CHPF2: variants seen among roughly 807,000 people sequenced by gnomAD.
CHPF2 encodes chondroitin polymerizing factor 2, also known as chondroitin polymerizing factor 2, non-catalytic subunit.
CHPF2 carries 58 observed loss-of-function variants against 63.0 expected under a neutral mutation model. That is an observed-to-expected ratio of 0.92 (90% CI 0.75 to 1.15). The LOEUF is 1.15. Among genes scored for constraint, CHPF2 ranks in the 50% most tolerant of loss-of-function variants. The pLI is 0.00. For missense variants in CHPF2, 1,045 were observed against 1,035.4 expected (o/e 1.01, Z -0.13); for synonymous variants, 442 against 438.0 (o/e 1.01, Z -0.11).
chr7:151,235,566 G>A lies in CHPF2; in HGVS notation c.782G>A (p.Arg261His), dbSNP rs775257705. 5.6e-6 allele frequency: 9 copies of A among 1,608,916 alleles called. No homozygotes were observed. The Admixed American group carries it at 8.3e-5, about 15-fold the overall frequency. The part of the protein sequence containing the change: ...LSARPDEWLG[R>H]CLIDSLGVGC... The stretch of plus-strand genomic sequence containing the variant: ...GCCCGTCCTGACGAGTGGCTTGGAC[G>A]CTGCCTCATTGACTCTCTGGGCGTC... Residue 261 changes from arginine to histidine, a missense_variant, in exon 2 of 4, where the codon CGC becomes CAC. Arg to His is a conservative substitution (Grantham distance 29). Coordinates refer to ENST00000035307, the MANE Select transcript of CHPF2 (RefSeq NM_019015.3).
Position 151,235,476 on chromosome 7 carries a change from T to C in CHPF2, c.692T>C (p.Leu231Ser). The part of the protein sequence containing the change: ...RYCHGGFGYL[L>S]SRSLLLRLRP... ...TGTCATGGGGGCTTTGGCTACCTGT[T>C]GTCACGGAGTCTCCTGCTTCGTCTG... The change falls in exon 2 of 4, where the codon TTG becomes TCG. Residue 231 changes from leucine to serine, a missense_variant. Physicochemically the swap from Leu to Ser is moderately radical, Grantham distance 145. Coordinates refer to ENST00000035307, the MANE Select transcript of CHPF2 (RefSeq NM_019015.3). 1 of 1,611,760 alleles carries C rather than the reference T, an allele frequency of 6.2e-7. No homozygotes were observed. The highest frequency in any genetic ancestry group is 8.5e-7 in the Non-Finnish European group (1 of 1,180,010).
In CHPF2 at chr7:151,233,093, T is replaced by TTGC. The variant is rs746954738; in HGVS notation, c.-914_-912dup. The TTGC allele has an allele frequency of 7.8e-5, 94 of 1,210,308 alleles. No individual in the cohort carries two copies. The highest frequency in any genetic ancestry group is 3.2e-4 in the Middle Eastern group (1 of 3,118). The allele number at this position is 1,210,308 out of a possible 1,614,324, so 75.0% of individuals were successfully genotyped here. A position where few individuals can be genotyped will look rare whatever the true frequency, so the allele number is the denominator to read the frequency against. On this transcript the variant is annotated 5_prime_UTR_variant, in exon 1 of 4. Transcript: ENST00000035307. ...CCCAGGACCCTGGCATTGTCTCTAGTTGCTGCTTGTGCTCTCTCTTTGCTT... is the reference window on the plus strand; with the variant it reads ...CCCAGGACCCTGGCATTGTCTCTAGTTGCTGCTGCTTGTGCTCTCTCTTTGCTT...
Position 151,237,367 on chromosome 7 carries a change from A to C in CHPF2, c.1012-7A>C. On this transcript the variant is annotated splice_region_variant and splice_polypyrimidine_tract_variant and intron_variant, in intron 3 of 3. Coordinates refer to ENST00000035307, the MANE Select transcript of CHPF2 (RefSeq NM_019015.3). ...CACTAATGTGAGGTGCATTCCCTCCAACCCAGGCTCAGATCCGGAACCTGA... is the reference window on the plus strand; with the variant it reads ...CACTAATGTGAGGTGCATTCCCTCCCACCCAGGCTCAGATCCGGAACCTGA... The C allele has an allele frequency of 6.3e-7, 1 of 1,580,828 alleles. No individual in the cohort carries two copies. Among genetic ancestry groups the C allele is most frequent in the Non-Finnish European group, 8.6e-7 (1 of 1,159,368 alleles).
chr7:151,234,354 T>C (rs899618107), intron 1 of CHPF2, 80 bp downstream of exon 1: 9 of 1,146,784 alleles, frequency 7.8e-6, no homozygotes, highest in Non-Finnish European at 9.4e-6. Context: ...TGCCTTTCCA[T>C]TGGCAATCGG....
In CHPF2 at chr7:151,237,775, A is replaced by G. The variant is rs192704087; in HGVS notation, c.1413A>G (p.Pro471=). The change falls in exon 4 of 4, where the codon CCA becomes CCG. Residue 471 remains proline (P), a synonymous_variant. Transcript: ENST00000035307. ...ALARRVSLLR[P]LSRVEILPMP... ...CTCGCAGGGTCAGCCTGCTGCGGCC[A>G]CTGAGCCGGGTGGAAATCCTACCTA... 1 of 1,612,480 alleles carries G rather than the reference A, an allele frequency of 6.2e-7. No individual in the cohort carries two copies. Among genetic ancestry groups the G allele is most frequent in the Non-Finnish European group, 8.5e-7 (1 of 1,179,898 alleles).
rs1224030471 is a variant in CHPF2, at chr7:151,238,807, C to G, written c.*126C>G. ...TTTTAAATATGAAAATGTTATTAAACATGTCTTCTGCCAAACTGTTTTTAG... is the reference window on the plus strand; with the variant it reads ...TTTTAAATATGAAAATGTTATTAAAGATGTCTTCTGCCAAACTGTTTTTAG... On this transcript the variant is annotated 3_prime_UTR_variant, in exon 4 of 4. Transcript: ENST00000035307. 58 of 1,539,864 alleles carry G rather than the reference C, an allele frequency of 3.8e-5. No individual in the cohort carries two copies. Among genetic ancestry groups the G allele is most frequent in the Non-Finnish European group, 5.0e-5 (57 of 1,146,762 alleles).
At chr7:151,235,684 G>A in intron 2 of CHPF2, 72 bp downstream of exon 2, 2 of 1,396,604 alleles carry the variant, frequency 1.4e-6, no homozygotes, top group Middle Eastern at 2.3e-4. Context: ...CTTCCTCCCA[G>A]CAGCACCTTA....
chr7:151,232,642 T>G lies in CHPF2; in HGVS notation c.-1370T>G. 1 of 1,015,478 alleles carries G rather than the reference T, an allele frequency of 9.8e-7. No individual in the cohort carries two copies. The highest frequency in any genetic ancestry group is 1.4e-6 in the Non-Finnish European group (1 of 725,474). 62.9% of individuals were successfully genotyped at this position (1,015,478 alleles called of 1,614,324 possible). On this transcript the variant is annotated 5_prime_UTR_variant, in exon 1 of 4. Transcript: ENST00000035307. Reference sequence around the variant, plus strand: ...GTCCCCACGCCTCCGCCCCGCCCCCTCCCGGGACGCCGGGAGACCCCGGCC... The same window carrying G: ...GTCCCCACGCCTCCGCCCCGCCCCCGCCCGGGACGCCGGGAGACCCCGGCC...
chr7:151,237,189 T>C (rs1197853126), intron 3 of CHPF2, 185 bp from the exon 4 acceptor site: 7 of 612,864 alleles, frequency 1.1e-5, no homozygotes, highest in South Asian at 1.9e-5. Context: ...ATGATTCCTA[T>C]TCCATCTGCA....
rs746650787 is a variant in CHPF2 at position 151,235,552 on chromosome 7, C to T, written c.768C>T (p.Asp256=). 7 of 1,610,328 alleles carry T rather than the reference C, an allele frequency of 4.3e-6. No homozygotes were observed. The South Asian group carries it at 4.4e-5, about 10-fold the overall frequency. ...CRGDILSARP[D]EWLGRCLIDS... ...GAGACATTCTCAGTGCCCGTCCTGA[C>T]GAGTGGCTTGGACGCTGCCTCATTG... The change falls in exon 2 of 4, where the codon GAC becomes GAT. Residue 256 remains aspartate (D), a synonymous_variant. Transcript: ENST00000035307.
intron 3 of CHPF2, chr7:151,237,039 A>T: frequency 1.8e-6 from 1 of 565,742 alleles, no homozygotes; most frequent in Non-Finnish European, 3.4e-6. Flanking sequence ...GTAGATGAAA[A>T]CAAAGGTGTG....
rs750864918 is a variant in CHPF2, at chr7:151,235,085, C to T, written c.301C>T (p.Arg101Trp). 4 of 1,579,596 alleles carry T rather than the reference C, an allele frequency of 2.5e-6. No individual in the cohort carries two copies. Among genetic ancestry groups the T allele is most frequent in the East Asian group, 2.3e-5 (1 of 44,394 alleles). ...CCAGACAGAGCTGGGCTCCCGTGAG[C>T]GGTTGCTGGTGGCTGTCCTGACCTC... ...YIQTELGSRE[R>W]LLVAVLTSRA... is the part of the protein sequence containing the mutation. Residue 101 changes from arginine to tryptophan, a missense_variant, in exon 2 of 4, where the codon CGG becomes TGG. Coordinates refer to ENST00000035307, the MANE Select transcript of CHPF2 (RefSeq NM_019015.3).
At position 151,233,756 on chromosome 7, in the gene CHPF2, T is replaced by C; in HGVS notation, c.-256T>C. The C allele has an allele frequency of 8.3e-7, 1 of 1,209,910 alleles. No homozygotes were observed. The allele number at this position is 1,209,910 out of a possible 1,614,324, so 74.9% of individuals were successfully genotyped here. A position where few individuals can be genotyped will look rare whatever the true frequency, so the allele number is the denominator to read the frequency against. ...CCCAGTGTGAGTGAAATTGATTGTT[T>C]CATTTATTACCGTTTTGGCTGGGGG... On this transcript the variant is annotated 5_prime_UTR_variant, in exon 1 of 4. Coordinates refer to ENST00000035307, the MANE Select transcript of CHPF2 (RefSeq NM_019015.3).
In CHPF2 at chr7:151,237,467, C is replaced by T. The variant is rs146363312; in HGVS notation, c.1105C>T (p.Arg369Cys). 1.7e-5 allele frequency: 28 copies of T among 1,613,862 alleles called. No homozygotes were observed. Among genetic ancestry groups the T allele is most frequent in the East Asian group, 4.5e-5 (2 of 44,900 alleles). The change falls in exon 4 of 4, where the codon CGC becomes TGC. Residue 369 changes from arginine to cysteine, a missense_variant. Arg to Cys is a radical substitution (Grantham distance 180). Transcript: ENST00000035307. ...GLPAPFTPHS[R>C]FEVLGWDYFT... Reference sequence around the variant, plus strand: ...CCCTGCTCCTTTCACACCACACTCTCGCTTTGAGGTGCTGGGCTGGGACTA... The same window carrying T: ...CCCTGCTCCTTTCACACCACACTCTTGCTTTGAGGTGCTGGGCTGGGACTA...
chr7:151,232,602 G>A lies in CHPF2; in HGVS notation c.-1410G>A. ...TCCCTGCTCCCTGCCAGGCGCGTGCGGGACGCCGCTCTTGGTCCCCACGCC... is the reference window on the plus strand; with the variant it reads ...TCCCTGCTCCCTGCCAGGCGCGTGCAGGACGCCGCTCTTGGTCCCCACGCC... On this transcript the variant is annotated 5_prime_UTR_variant, in exon 1 of 4. Transcript: ENST00000035307. 1 of 640,520 alleles carries A rather than the reference G, an allele frequency of 1.6e-6. No individual in the cohort carries two copies. The highest frequency in any genetic ancestry group is 2.2e-5 in the South Asian group (1 of 46,392). 39.7% of individuals were successfully genotyped at this position (640,520 alleles called of 1,614,324 possible).
At chr7:151,234,405 T>C in intron 1 of CHPF2, 131 bp downstream of exon 1, 1 of 618,524 alleles carries the variant, frequency 1.6e-6, no homozygotes, top group Admixed American at 3.8e-5. Flanking sequence ...TTTTCCATCA[T>C]GGTTTCTTTC....
In CHPF2 at chr7:151,238,344, G is replaced by A. The variant is rs3748098; in HGVS notation, c.1982G>A (p.Gly661Glu). The A allele has an allele frequency of 5.0e-6, 8 of 1,609,138 alleles. No individual in the cohort carries two copies. Among genetic ancestry groups the A allele is most frequent in the African/African-American group, 2.7e-5 (2 of 74,862 alleles). Residue 661 changes from glycine to glutamate, a missense_variant, in exon 4 of 4, where the codon GGG becomes GAG. Transcript: ENST00000035307. Reference sequence around the variant, plus strand: ...GACCCCTCCCGGGGGGCTCCTATAGGGGGGAGATTTGACCGGCAGGCTTCT... The same window carrying A: ...GACCCCTCCCGGGGGGCTCCTATAGAGGGGAGATTTGACCGGCAGGCTTCT... ...GADPSRGAPI[G>E]GRFDRQASAE...
In CHPF2 at chr7:151,237,819, C is replaced by T. The variant is rs146815169; in HGVS notation, c.1457C>T (p.Ala486Val). Residue 486 changes from alanine to valine, a missense_variant, in exon 4 of 4, where the codon GCC becomes GTC. By Grantham distance (64) the Ala-to-Val change is moderately conservative (BLOSUM62 0). Coordinates refer to ENST00000035307, the MANE Select transcript of CHPF2 (RefSeq NM_019015.3). ...CTACCTATGCCCTATGTCACTGAGG[C>T]CACCCGAGTGCAGCTGGTGCTGCCA... Reference protein sequence around the residue: ...EILPMPYVTEATRVQLVLPLL... With the variant: ...EILPMPYVTEVTRVQLVLPLL... 1,188 of 1,612,628 alleles carry T rather than the reference C, an allele frequency of 7.4e-4. 11 individuals carry two copies. In the South Asian group the frequency reaches 7.7e-3, roughly 10 times the overall value.
rs950126871 is a variant in CHPF2, at chr7:151,236,548, T to C, written c.969T>C (p.Ala323=). The C allele has an allele frequency of 1.9e-6, 3 of 1,601,988 alleles. No individual in the cohort carries two copies. Among genetic ancestry groups the C allele is most frequent in the African/African-American group, 2.7e-5 (2 of 74,618 alleles). The change falls in exon 3 of 4, where the codon GCT becomes GCC. Residue 323 remains alanine (A), a synonymous_variant. Coordinates refer to ENST00000035307, the MANE Select transcript of CHPF2 (RefSeq NM_019015.3). ...ACCGGCTCCACAAACGCTTCAGCGC[T>C]CTGGAGTTGGAGCGGGCTTACAGTG... is the stretch of plus-strand genomic sequence containing the variant. The part of the protein sequence containing the change: ...LMYRLHKRFS[A]LELERAYSEI...
Sources: gnomAD v4.1 joint callset for allele counts on GRCh38, gnomAD v4.1.1 for gene constraint, MANE v1.5 for transcripts, NCBI Gene and HGNC (gene_info 2026-07-23, HGNC 2026-07-21) for gene names.